Variants in TMEM117 observed in about 807,000 individuals in gnomAD.
TMEM117 encodes the protein transmembrane protein 117.
In TMEM117, 27 loss-of-function variants were observed where a neutral mutation model predicts 52.4. That is an observed-to-expected ratio of 0.51 (90% CI 0.38 to 0.71). TMEM117 has a LOEUF of 0.71. Ranked by LOEUF, TMEM117 falls within the 30% of genes least tolerant of loss-of-function variation. TMEM117 has a pLI of 0.00. For synonymous variants in TMEM117, 215 were observed against 206.3 expected (o/e 1.04, Z -0.36); for missense variants, 556 against 630.5 (o/e 0.88, Z 1.26).
chr12:44,084,477 C>A (rs1947534105), intron 3 of TMEM117, among the ~76,000 whole-genome samples: 1 of 152,034 alleles, frequency 6.6e-6, no homozygotes. Flanking sequence ...TAAAATACAA[C>A]TTTAAAATCC....
At chr12:43,811,089 A>G in the TMEM117 span, among the ~76,000 whole-genome samples, 3 of 152,224 alleles carry the variant, frequency 2.0e-5, no homozygotes, top group South Asian at 4.1e-4. Flanking sequence ...ATTCCTTAAC[A>G]AAACAACTAA....
chr12:43,819,601 C>G, the TMEM117 span, among the ~76,000 whole-genome samples: 4 of 152,038 alleles, frequency 2.6e-5, no homozygotes, highest in Admixed American at 2.0e-4. Flanking sequence ...GGTGAAACCT[C>G]GTCTCTACTA....
At chr12:44,003,256 A>G (rs1946142890) in intron 3 of TMEM117, among the ~76,000 whole-genome samples, 1 of 152,172 alleles carries the variant, frequency 6.6e-6, no homozygotes, top group Non-Finnish European at 1.5e-5. Flanking sequence ...AAAAACCTAG[A>G]AGAAACTTTA....
At chr12:43,839,257 C>G (rs955187616) in intron 1 of TMEM117, among the ~76,000 whole-genome samples, 1 of 152,140 alleles carries the variant, frequency 6.6e-6, no homozygotes, top group East Asian at 1.9e-4. Flanking sequence ...AACAGACAGG[C>G]CTTTCTGTCA....
At chr12:44,116,011 A>G (rs901120433) in intron 3 of TMEM117, among the ~76,000 whole-genome samples, 3 of 152,106 alleles carry the variant, frequency 2.0e-5, no homozygotes, top group Non-Finnish European at 2.9e-5. Flanking sequence ...TATGGTCTTT[A>G]TCTCCTTTCT....
intron 2 of TMEM117, among the ~76,000 whole-genome samples, chr12:43,911,548 A>G (rs1216391127): frequency 1.3e-5 from 2 of 150,006 alleles, no homozygotes; most frequent in African/African-American, 4.9e-5. Flanking sequence ...CTACCATCAG[A>G]GTGAACAGGC....
intron 4 of TMEM117, among the ~76,000 whole-genome samples, chr12:44,178,986 G>C (rs1181697456): frequency 6.6e-6 from 1 of 152,106 alleles, no homozygotes; most frequent in Non-Finnish European, 1.5e-5. Flanking sequence ...CTGAGGTCAG[G>C]AGTTTGAGAC....
chr12:43,820,865 G>T, the TMEM117 span, among the ~76,000 whole-genome samples: 4 of 151,830 alleles, frequency 2.6e-5, no homozygotes, highest in South Asian at 8.3e-4. Context: ...ACTTTGGGAG[G>T]CCGAGGCAGG....
chr12:44,268,304 A>T (rs979077915), intron 5 of TMEM117, among the ~76,000 whole-genome samples: 1 of 146,798 alleles, frequency 6.8e-6, no homozygotes, highest in Non-Finnish European at 1.5e-5. Flanking sequence ...TGCCTGGCTA[A>T]TTTTTTTTTT....
At chr12:44,123,915 T>C (rs1457645934) in intron 3 of TMEM117, among the ~76,000 whole-genome samples, 1 of 152,192 alleles carries the variant, frequency 6.6e-6, no homozygotes, top group East Asian at 1.9e-4. Flanking sequence ...AACTTTAAAA[T>C]TGTTTTTTTC....
At chr12:44,307,661 A>G (rs768923153) in intron 6 of TMEM117, among the ~76,000 whole-genome samples, 15 of 152,224 alleles carry the variant, frequency 9.9e-5, no homozygotes, top group Non-Finnish European at 1.8e-4. Flanking sequence ...CAGAGTGTTC[A>G]GGGAGAATCA....
chr12:44,003,886 A>G (rs1946153734), intron 3 of TMEM117, among the ~76,000 whole-genome samples: 1 of 152,168 alleles, frequency 6.6e-6, no homozygotes, highest in Non-Finnish European at 1.5e-5. Flanking sequence ...ATGCATAGGC[A>G]ATGTGGCCCT....
intron 3 of TMEM117, among the ~76,000 whole-genome samples, chr12:43,968,829 A>G (rs1211899644): frequency 6.6e-6 from 1 of 152,216 alleles, no homozygotes; most frequent in East Asian, 1.9e-4. Flanking sequence ...AAGTACCCGT[A>G]TTTAAAACTG....
At chr12:44,213,632 G>A (rs1180354786) in intron 5 of TMEM117, among the ~76,000 whole-genome samples, 1 of 152,168 alleles carries the variant, frequency 6.6e-6, no homozygotes, top group Non-Finnish European at 1.5e-5. Flanking sequence ...GGAGGTAATT[G>A]AATCATGGGG....
At chr12:43,938,273 A>G (rs1388101770) in intron 2 of TMEM117, among the ~76,000 whole-genome samples, 1 of 147,502 alleles carries the variant, frequency 6.8e-6, no homozygotes, top group Non-Finnish European at 1.5e-5. Context: ...TTATATATTT[A>G]TTATATTTAA....
intron 6 of TMEM117, among the ~76,000 whole-genome samples, chr12:44,337,422 C>T (rs938536993): frequency 6.6e-6 from 1 of 151,954 alleles, no homozygotes; most frequent in East Asian, 1.9e-4. Flanking sequence ...TAAGTTTCAA[C>T]AAATTAATTT....
At chr12:44,157,812 T>C (rs1472049665) in intron 4 of TMEM117, among the ~76,000 whole-genome samples, 3 of 152,258 alleles carry the variant, frequency 2.0e-5, no homozygotes, top group Admixed American at 2.0e-4. Flanking sequence ...TAGTCCCATT[T>C]ATTAAAATAA....
the TMEM117 span, chr12:43,806,416 C>T: frequency 8.7e-7 from 1 of 1,151,488 alleles, no homozygotes; most frequent in East Asian, 4.3e-5. Context: ...CGCCGCCCCG[C>T]CGCCCTTCCT....
the TMEM117 span, among the ~76,000 whole-genome samples, chr12:43,808,943 T>C: frequency 6.6e-6 from 1 of 152,140 alleles, no homozygotes; most frequent in Non-Finnish European, 1.5e-5. Flanking sequence ...ACTGGGATTT[T>C]ATGTAAAATC....
Sources: allele counts gnomAD v4.1 joint callset (sites outside exome capture counted in the v4.1 genomes callset), GRCh38; gene constraint gnomAD v4.1.1; transcripts MANE v1.5; gene names NCBI Gene and HGNC (gene_info 2026-07-23, HGNC 2026-07-21).